COL8A1: variants seen among roughly 807,000 people sequenced by gnomAD.
The protein encoded by COL8A1 is collagen alpha-1(VIII) chain.
Under a neutral mutation model 42.7 loss-of-function variants are expected in COL8A1, and 21 were observed. That is an observed-to-expected ratio of 0.49 (90% CI 0.35 to 0.71). The LOEUF is 0.71. Ranked by LOEUF, COL8A1 falls within the 30% of genes least tolerant of loss-of-function variation. The pLI is 0.01. For synonymous variants in COL8A1, 367 were observed against 369.1 expected (o/e 0.99, Z 0.06); for missense variants, 788 against 962.4 (o/e 0.82, Z 2.40).
At chr3:99,682,675 A>G (rs1033735546) in intron 1 of COL8A1, among the ~76,000 whole-genome samples, 3 of 151,962 alleles carry the variant, frequency 2.0e-5, no homozygotes, top group Non-Finnish European at 1.5e-5. Flanking sequence ...CATAGAACAT[A>G]TAAGCTCTCA....
chr3:99,781,810 A>G (rs1262407880), intron 2 of COL8A1, among the ~76,000 whole-genome samples: 1 of 152,184 alleles, frequency 6.6e-6, no homozygotes, highest in African/African-American at 2.4e-5. Flanking sequence ...AATGGCAAGG[A>G]CCTTATTCTT....
chr3:99,683,918 A>C (rs190310752), intron 1 of COL8A1, among the ~76,000 whole-genome samples: 251 of 152,304 alleles, frequency 1.6e-3, no homozygotes, highest in Non-Finnish European at 2.5e-3. Context: ...CTAAAAAAAA[A>C]CCAACATTTC....
rs1942079991 is a variant in COL8A1 at position 99,795,231 on chromosome 3, G to A, written c.1330G>A (p.Gly444Ser). ...CTTCCCAGGAAAGCCAGGTTTCCTT[G>A]GTGAAGTAGGGCCTCCTGGCATGAG... The part of the protein sequence containing the change: ...QGFPGKPGFL[G>S]EVGPPGMRGL... The change falls in exon 4 of 4, where the codon GGT becomes AGT. Residue 444 changes from glycine to serine, a missense_variant. By Grantham distance (56) the Gly-to-Ser change is moderately conservative. Transcript: ENST00000652472. The A allele has an allele frequency of 1.2e-6, 2 of 1,613,546 alleles. No individual in the cohort carries two copies. Among genetic ancestry groups the A allele is most frequent in the Non-Finnish European group, 1.7e-6 (2 of 1,179,708 alleles).
At chr3:99,702,493 A>T (rs1028708564) in intron 1 of COL8A1, among the ~76,000 whole-genome samples, 1 of 152,170 alleles carries the variant, frequency 6.6e-6, no homozygotes, top group African/African-American at 2.4e-5. Flanking sequence ...AAATAAAGAT[A>T]AGTTATCATT....
At chr3:99,656,952 A>T (rs1017496585) in intron 1 of COL8A1, among the ~76,000 whole-genome samples, 2 of 152,256 alleles carry the variant, frequency 1.3e-5, no homozygotes, top group Non-Finnish European at 2.9e-5. Context: ...CTTTCTTGAC[A>T]AAGAAATGGC....
intron 1 of COL8A1, among the ~76,000 whole-genome samples, chr3:99,724,669 T>A (rs1248237140): frequency 4.6e-5 from 7 of 152,226 alleles, no homozygotes; most frequent in Admixed American, 3.9e-4. Flanking sequence ...CAGAGATAAG[T>A]CAATCCACAT....
chr3:99,669,457 A>G (rs549133954), intron 1 of COL8A1, among the ~76,000 whole-genome samples: 4 of 152,180 alleles, frequency 2.6e-5, no homozygotes, highest in African/African-American at 9.6e-5. Flanking sequence ...CTGTAGTTAA[A>G]TTGGAATGGC....
At chr3:99,699,560 C>G (rs563250513) in intron 1 of COL8A1, among the ~76,000 whole-genome samples, 2 of 152,318 alleles carry the variant, frequency 1.3e-5, no homozygotes, top group South Asian at 4.1e-4. Context: ...GAGAAATTAT[C>G]TAAGAGCTTC....
At chr3:99,717,380 GT>G (rs1940027157) in intron 1 of COL8A1, among the ~76,000 whole-genome samples, 1 of 151,954 alleles carries the variant, frequency 6.6e-6, no homozygotes, top group South Asian at 2.1e-4. Context: ...TTGATCTGAT[GT>G]TTGGAGTGTT....
At chr3:99,666,236 A>C (rs1272671001) in intron 1 of COL8A1, among the ~76,000 whole-genome samples, 1 of 152,218 alleles carries the variant, frequency 6.6e-6, no homozygotes, top group Non-Finnish European at 1.5e-5. Flanking sequence ...TAACAGGGAC[A>C]ATATTTTAAA....
intron 2 of COL8A1, among the ~76,000 whole-genome samples, chr3:99,789,900 G>A (rs1411377666): frequency 6.6e-6 from 1 of 152,164 alleles, no homozygotes; most frequent in Non-Finnish European, 1.5e-5. Context: ...TTATGATAGT[G>A]ATTTTTAAAA....
intron 1 of COL8A1, among the ~76,000 whole-genome samples, chr3:99,693,594 T>C (rs1055796050): frequency 4.6e-5 from 7 of 152,140 alleles, no homozygotes; most frequent in Admixed American, 3.9e-4. Flanking sequence ...ACGCTTATAG[T>C]ATAAGGATAC....
At chr3:99,702,743 A>C (rs1363591858) in intron 1 of COL8A1, among the ~76,000 whole-genome samples, 1 of 152,248 alleles carries the variant, frequency 6.6e-6, no homozygotes, top group Non-Finnish European at 1.5e-5. Flanking sequence ...CATGAAGCTC[A>C]CATTCTAGTA....
chr3:99,658,199 TTCATCA>T (rs1938089927), intron 1 of COL8A1, among the ~76,000 whole-genome samples: 2 of 151,736 alleles, frequency 1.3e-5, no homozygotes, highest in Admixed American at 1.3e-4. Context: ...ATCTCAGGCC[TTCATCA>T]TCTGGGCCTG....
intron 2 of COL8A1, among the ~76,000 whole-genome samples, chr3:99,775,878 T>C (rs12487173): frequency 0.046 from 6,939 of 152,284 alleles, 244 homozygotes; most frequent in Non-Finnish European, 0.066. Context: ...TGCTGCAAGA[T>C]AGTCACAAAA....
intron 2 of COL8A1, among the ~76,000 whole-genome samples, chr3:99,789,991 C>T (rs577947794): frequency 3.7e-4 from 57 of 152,326 alleles, no homozygotes; most frequent in African/African-American, 1.3e-3. Context: ...TTGCTCTTTA[C>T]ATTTACATTT....
intron 2 of COL8A1, among the ~76,000 whole-genome samples, chr3:99,784,755 C>T (rs566179006): frequency 6.6e-6 from 1 of 152,286 alleles, no homozygotes; most frequent in African/African-American, 2.4e-5. Flanking sequence ...TGGTCCTTTG[C>T]TGACTGAAGC....
intron 1 of COL8A1, among the ~76,000 whole-genome samples, chr3:99,676,057 T>C (rs1938683611): frequency 6.6e-6 from 1 of 152,138 alleles, no homozygotes; most frequent in African/African-American, 2.4e-5. Context: ...AAAAGACCAT[T>C]AAGCTATATT....
At chr3:99,793,565 A>G (rs1332557336) in intron 3 of COL8A1, among the ~76,000 whole-genome samples, 1 of 152,172 alleles carries the variant, frequency 6.6e-6, no homozygotes, top group Non-Finnish European at 1.5e-5. Context: ...TGAATCTTCC[A>G]AATTCACTAT....
Sources: allele counts gnomAD v4.1 joint callset (sites outside exome capture counted in the v4.1 genomes callset), GRCh38; gene constraint gnomAD v4.1.1; transcripts MANE v1.5; gene names NCBI Gene and HGNC (gene_info 2026-07-23, HGNC 2026-07-21).